Variants in SPTAN1 observed in about 807,000 individuals in gnomAD.
The protein encoded by SPTAN1 is spectrin alpha chain, non-erythrocytic 1.
A neutral mutation model predicts 331.3 loss-of-function variants in SPTAN1; 61 were observed. That is an observed-to-expected ratio of 0.18 (90% confidence interval 0.15 to 0.23). The LOEUF is 0.23. Among genes scored for constraint, SPTAN1 ranks in the 10% least tolerant of loss-of-function variants. The pLI, the probability that SPTAN1 is intolerant of heterozygous loss-of-function variation, is 1.00. For synonymous variants in SPTAN1, 1,153 were observed against 1,173.9 expected (o/e 0.98, Z 0.36); for missense variants, 2,043 against 3,147.9 (o/e 0.65, Z 8.40).
Position 128,629,270 on chromosome 9 carries a change from A to C in SPTAN1, c.6708-1051A>C. On this transcript the variant is annotated intron_variant, in intron 51 of 56. Transcript: ENST00000372739. This position sits in a 1 kb window ranked among gnomAD's most constrained non-coding sequence, Gnocchi z 4.9. ...ATCCCCAGGCGGCTCCACCCTGACT[A>C]ACCTGCCGCCCTCGGCTGCTTGGGA... 1 of 397,082 alleles carries C rather than the reference A, an allele frequency of 2.5e-6. No individual in the cohort carries two copies. Among genetic ancestry groups the C allele is most frequent in the Non-Finnish European group, 4.4e-6 (1 of 225,306 alleles). The allele number at this position is 397,082 out of a possible 1,614,324, so 24.6% of individuals were successfully genotyped here. A position where few individuals can be genotyped will look rare whatever the true frequency, so the allele number is the denominator to read the frequency against.
chr9:128,606,838 C>G (rs1855956198), intron 31 of SPTAN1, among the ~76,000 whole-genome samples: 1 of 152,206 alleles, frequency 6.6e-6, no homozygotes, highest in East Asian at 1.9e-4. Flanking sequence ...CAATTAACTA[C>G]TTTAAAATGT....
chr9:128,562,366 G>C (rs1589133595), intron 1 of SPTAN1, among the ~76,000 whole-genome samples: 1 of 152,144 alleles, frequency 6.6e-6, no homozygotes, highest in African/African-American at 2.4e-5. Context: ...TTCCCAAAGT[G>C]CTGGGATTAC....
intron 1 of SPTAN1, among the ~76,000 whole-genome samples, chr9:128,559,451 A>G (rs1035917144): frequency 6.6e-6 from 1 of 152,228 alleles, no homozygotes; most frequent in Non-Finnish European, 1.5e-5. Flanking sequence ...TTAGAAATGC[A>G]GTGACTCCTG....
intron 30 of SPTAN1, 56 bp downstream of exon 30, chr9:128,605,234 G>A: frequency 1.9e-6 from 3 of 1,614,046 alleles, no homozygotes; most frequent in African/African-American, 1.3e-5. Context: ...AAAGAGCAGA[G>A]TCTTCTGTTC....
chr9:128,611,893 C>T, intron 38 of SPTAN1, 48 bp downstream of exon 38: 2 of 1,613,248 alleles, frequency 1.2e-6, no homozygotes, highest in Non-Finnish European at 1.7e-6. Context: ...TGACCACCGT[C>T]ACTGTCAACC....
At chr9:128,589,565 C>T (rs1853169653) in intron 21 of SPTAN1, among the ~76,000 whole-genome samples, 1 of 130,970 alleles carries the variant, frequency 7.6e-6, no homozygotes, top group Non-Finnish European at 1.6e-5. Context: ...CATGAGCCGC[C>T]GTGCCCGGCC....
rs150801649 is a variant in SPTAN1, at chr9:128,625,780, C to T, written c.6081C>T (p.Asp2027=). The change falls in exon 48 of 57, where the codon GAC becomes GAT. Residue 2027 remains aspartate, a synonymous_variant. Transcript: ENST00000372739. This position sits in a 1 kb window ranked among gnomAD's most constrained non-coding sequence, Gnocchi z 4.1. ...QTLLTKQETF[D]AGLQAFQQEG... ...CACTCCTTGTTCAGGAAACTTTTGA[C>T]GCTGGGCTGCAGGCCTTCCAGCAGG... 111 of 1,614,072 alleles carry T rather than the reference C, an allele frequency of 6.9e-5. 1 individual carries two copies. In the East Asian group the frequency reaches 2.2e-3, roughly 32 times the overall value.
chr9:128,565,633 C>A (rs543982760), intron 1 of SPTAN1, among the ~76,000 whole-genome samples: 1 of 152,064 alleles, frequency 6.6e-6, no homozygotes, highest in Non-Finnish European at 1.5e-5. Context: ...TGTTTACCTG[C>A]TAGGTGGATG....
At position 128,583,894 on chromosome 9, in the gene SPTAN1, C is replaced by T. The variant is rs760281970; in HGVS notation, c.2118C>T (p.Tyr706=). The part of the protein sequence containing the change: ...EVEGHLASDD[Y]GKDLTNVQNL... ...AAGGTCACTTGGCTTCGGATGATTA[C>T]GGCAAAGATCTTACCAATGTGCAGA... Residue 706 remains tyrosine (Y), a synonymous_variant, in exon 16 of 57, where the codon TAC becomes TAT. Transcript: ENST00000372739. The T allele has an allele frequency of 1.8e-5, 29 of 1,614,062 alleles. No individual in the cohort carries two copies. The highest frequency in any genetic ancestry group is 1.6e-4 in the Middle Eastern group (1 of 6,084).
At chr9:128,584,876 G>T (rs200728087) in intron 18 of SPTAN1, 33 bp downstream of exon 18, 2 of 1,614,084 alleles carry the variant, frequency 1.2e-6, no homozygotes, top group Non-Finnish European at 1.7e-6. Context: ...ATGGCTTGGT[G>T]CTGCTCCTCG....
At chr9:128,622,228 C>T (rs983889888) in intron 45 of SPTAN1, 1 of 151,390 alleles carries the variant, frequency 6.6e-6, no homozygotes, top group African/African-American at 2.4e-5. Flanking sequence ...ACAACATTCT[C>T]TGTTCTTCAA....
chr9:128,580,558 C>T (rs1340045006), intron 10 of SPTAN1, among the ~76,000 whole-genome samples: 2 of 151,856 alleles, frequency 1.3e-5, no homozygotes, highest in African/African-American at 2.4e-5. Flanking sequence ...TATGGAGCAC[C>T]CACTCAGTTG....
intron 31 of SPTAN1, 50 bp from the exon 32 acceptor site, chr9:128,607,554 C>T: frequency 6.8e-7 from 1 of 1,471,944 alleles, no homozygotes. Context: ...GGCAGAAGAT[C>T]TCCTTACCAG....
At position 128,632,802 on chromosome 9, in the gene SPTAN1, T is replaced by G. The variant is rs1161848121; in HGVS notation, c.7161-6T>G. 6.8e-6 allele frequency: 11 copies of G among 1,613,876 alleles called. No individual in the cohort carries two copies. Among genetic ancestry groups the G allele is most frequent in the Non-Finnish European group, 8.5e-6 (10 of 1,180,028 alleles). On this transcript the variant is annotated splice_polypyrimidine_tract_variant and splice_region_variant and intron_variant, in intron 55 of 56. Coordinates refer to ENST00000372739, the MANE Select transcript of SPTAN1 (RefSeq NM_001130438.3). ...CTGCTCAGGCTCTTGCTTCCCCCGCTCCTAGAGATGGCCATGTCTCCTTGC... is the reference window on the plus strand; with the variant it reads ...CTGCTCAGGCTCTTGCTTCCCCCGCGCCTAGAGATGGCCATGTCTCCTTGC...
intron 1 of SPTAN1, among the ~76,000 whole-genome samples, chr9:128,563,804 T>C (rs2132876683): frequency 6.6e-6 from 1 of 151,116 alleles, no homozygotes; most frequent in African/African-American, 2.4e-5. Flanking sequence ...CCACCATGCC[T>C]GGATAATTTT....
intron 44 of SPTAN1, among the ~76,000 whole-genome samples, chr9:128,620,895 C>G (rs1216740938): frequency 6.6e-6 from 1 of 152,126 alleles, no homozygotes; most frequent in Admixed American, 6.6e-5. Flanking sequence ...AAGGGTTTGA[C>G]CCTTCCCAAA....
chr9:128,621,706 C>T (rs899833577), intron 45 of SPTAN1: 1 of 260,662 alleles, frequency 3.8e-6, no homozygotes, highest in Non-Finnish European at 7.6e-6. Context: ...CGCAGACTCC[C>T]GTTTAATAGG....
In SPTAN1 at chr9:128,625,877, G is replaced by A; in HGVS notation, c.6178G>A (p.Glu2060Lys). ...AAKHVQSKAI[E>K]ARHASLMKRW... is the part of the protein sequence containing the mutation. ...CAAACACGTTCAGTCCAAGGCCATC[G>A]AGGCCCGGCACGCCTCCCTCATGAA... The change falls in exon 48 of 57, where the codon GAG becomes AAG. Residue 2060 changes from glutamate to lysine, a missense_variant. Physicochemically the swap from Glu to Lys is moderately conservative, Grantham distance 56. Transcript: ENST00000372739. The surrounding 1 kb of genome is among the most constrained non-coding windows in gnomAD (Gnocchi z 4.1). 13 of 1,614,154 alleles carry A rather than the reference G, an allele frequency of 8.1e-6. No homozygotes were observed. Among genetic ancestry groups the A allele is most frequent in the Non-Finnish European group, 1.1e-5 (13 of 1,180,026 alleles).
intron 3 of SPTAN1, 38 bp from the exon 4 acceptor site, chr9:128,574,637 G>C: frequency 6.2e-7 from 1 of 1,613,556 alleles, no homozygotes; most frequent in Non-Finnish European, 8.5e-7. Context: ...CACAGAGCCA[G>C]TTGTGATCTG....
Sources: allele counts gnomAD v4.1 joint callset (sites outside exome capture counted in the v4.1 genomes callset), GRCh38; gene constraint gnomAD v4.1.1; non-coding constraint Gnocchi (gnomAD v3.1); transcripts MANE v1.5; gene names NCBI Gene and HGNC (gene_info 2026-07-23, HGNC 2026-07-21).